Variants in GRK5 observed in about 807,000 individuals in gnomAD.
GRK5 encodes the protein g protein-coupled receptor kinase GRK5.
A neutral mutation model predicts 78.4 loss-of-function variants in GRK5; 40 were observed. The observed-to-expected ratio is 0.51, with a 90% CI of 0.40 to 0.66. The LOEUF is 0.66. Ranked by LOEUF, GRK5 falls within the 30% of genes least tolerant of loss-of-function variation. The probability of loss-of-function intolerance (pLI) is 0.00; values close to 1 mark genes in which losing one functional copy is unlikely to be tolerated. For missense variants in GRK5, 598 were observed against 759.9 expected (o/e 0.79, Z 2.50); for synonymous variants, 289 against 296.8 (o/e 0.97, Z 0.27).
chr10:119,357,386 C>A (rs1851280307), intron 2 of GRK5, among the ~76,000 whole-genome samples: 1 of 152,190 alleles, frequency 6.6e-6, no homozygotes, highest in African/African-American at 2.4e-5. Flanking sequence ...AGCTGAGGCA[C>A]CTGTGGTAAA....
rs1357339275 is a variant in GRK5 at position 119,394,315 on chromosome 10, TGG to T, written c.262-2378_262-2377del. Among the ~76,000 whole-genome samples the T allele has an allele frequency of 2.6e-3, 285 of 109,734 alleles. 17 individuals are homozygous for T. The highest frequency in any genetic ancestry group is 7.8e-3 in the African/African-American group (215 of 27,714). 72.0% of individuals were successfully genotyped at this position (109,734 alleles called of 152,430 possible). On this transcript the variant is annotated intron_variant, in intron 3 of 15. Transcript: ENST00000392870. ...GTATCTGTGTGTCTGTGTGGGCACG[TGG>T]GTGTGTGTATCTGTGTGTCTGTGTG...
intron 2 of GRK5, among the ~76,000 whole-genome samples, chr10:119,337,984 AT>A (rs1850922071): frequency 6.6e-6 from 1 of 152,162 alleles, no homozygotes; most frequent in Non-Finnish European, 1.5e-5. Flanking sequence ...TAATGACCTC[AT>A]TTTAACTTGA....
chr10:119,442,628 G>A (rs1436437214), intron 11 of GRK5, among the ~76,000 whole-genome samples: 2 of 152,176 alleles, frequency 1.3e-5, no homozygotes, highest in African/African-American at 4.8e-5. Context: ...CCAATTGGGG[G>A]CACGCCCTGG....
chr10:119,279,520 G>C (rs555379506), intron 1 of GRK5, among the ~76,000 whole-genome samples: 55 of 152,260 alleles, frequency 3.6e-4, no homozygotes, highest in African/African-American at 1.2e-3. Context: ...TGCTACTAGG[G>C]GGGTGGGAGT....
At chr10:119,387,091 G>A (rs7080983) in intron 3 of GRK5, among the ~76,000 whole-genome samples, 16,978 of 151,770 alleles carry the variant, frequency 0.11, 1,057 homozygotes, top group Middle Eastern at 0.2. Flanking sequence ...TACAGCCTCC[G>A]CCTCTTGGGT....
In GRK5 at chr10:119,431,952, A is replaced by T. The variant is rs1852829310; in HGVS notation, c.738+425A>T. 6.6e-6 allele frequency among the ~76,000 whole-genome samples: 1 copy of T among 152,212 alleles called. No individual in the cohort carries two copies. The highest frequency in any genetic ancestry group is 2.4e-5 in the African/African-American group (1 of 41,444). ...CTATCAAGTCTGTGTGCATTGTGTT[A>T]GTCAGTCTAGGCTGGGCCCTGCTGC... is the stretch of plus-strand genomic sequence containing the variant. On this transcript the variant is annotated intron_variant, in intron 8 of 15. Transcript: ENST00000392870. This position sits in a 1 kb window ranked among gnomAD's most constrained non-coding sequence, Gnocchi z 4.8.
Position 119,265,752 on chromosome 10 carries a change from G to A in GRK5, c.52+57783G>A, listed in dbSNP as rs148015218. Among the ~76,000 whole-genome samples the A allele has an allele frequency of 2.4e-4, 37 of 152,348 alleles. 2 individuals are homozygous for A. The East Asian group carries it at 5.0e-3, about 21-fold the overall frequency. ...GCAAGTAGTCCTCCTCTGGAAGGGC[G>A]TATGCATATTTCCAGGCATTTTGGA... On this transcript the variant is annotated intron_variant, in intron 1 of 15. Coordinates refer to ENST00000392870, the MANE Select transcript of GRK5 (RefSeq NM_005308.3).
At chr10:119,372,321 G>A (rs1349619271) in intron 2 of GRK5, among the ~76,000 whole-genome samples, 1 of 152,208 alleles carries the variant, frequency 6.6e-6, no homozygotes, top group African/African-American at 2.4e-5. Context: ...ATAGATATAG[G>A]CATTCTAGAA....
intron 3 of GRK5, among the ~76,000 whole-genome samples, chr10:119,389,184 A>G (rs933916131): frequency 6.6e-6 from 1 of 152,256 alleles, no homozygotes; most frequent in African/African-American, 2.4e-5. Flanking sequence ...AGGCATTCCT[A>G]TCTGCTAAGT....
chr10:119,240,665 C>T lies in GRK5; in HGVS notation c.52+32696C>T, dbSNP rs965725453. 2.0e-5 allele frequency among the ~76,000 whole-genome samples: 3 copies of T among 151,948 alleles called. 1 individual carries two copies. The highest frequency in any genetic ancestry group is 4.8e-5 in the African/African-American group (2 of 41,310). On this transcript the variant is annotated intron_variant, in intron 1 of 15. Transcript: ENST00000392870. The stretch of plus-strand genomic sequence containing the variant: ...GAAGTATCTGTTCATATCCTTTGCC[C>T]GCTTTTTGATGGGGTTGTTTTTTTC...
chr10:119,366,420 A>T (rs1339145974), intron 2 of GRK5, among the ~76,000 whole-genome samples: 2 of 152,218 alleles, frequency 1.3e-5, no homozygotes, highest in Non-Finnish European at 2.9e-5. Flanking sequence ...CTCTCAGGAT[A>T]GCCAGCGAAG....
chr10:119,309,043 C>T (rs1352033540), intron 1 of GRK5, among the ~76,000 whole-genome samples: 1 of 152,220 alleles, frequency 6.6e-6, no homozygotes, highest in African/African-American at 2.4e-5. Context: ...GGCCCGGGCT[C>T]TTGAGCCTAG....
intron 4 of GRK5, among the ~76,000 whole-genome samples, chr10:119,418,754 C>G (rs1055539224): frequency 6.6e-6 from 1 of 152,168 alleles, no homozygotes; most frequent in Non-Finnish European, 1.5e-5. Context: ...GTGTTAAAGT[C>G]GAGGTCTGCA....
intron 3 of GRK5, among the ~76,000 whole-genome samples, chr10:119,386,513 C>T (rs1468852076): frequency 2.0e-5 from 3 of 152,190 alleles, no homozygotes; most frequent in Non-Finnish European, 4.4e-5. Context: ...CGTTCCCTCT[C>T]TCTGGGCCTG....
At chr10:119,296,357 G>A (rs770123069) in intron 1 of GRK5, among the ~76,000 whole-genome samples, 11 of 152,228 alleles carry the variant, frequency 7.2e-5, no homozygotes, top group Admixed American at 2.0e-4. Context: ...CTAACTGCAA[G>A]GTAGGCTGGA....
rs186077824 is a variant in GRK5, at chr10:119,271,430, G to A, written c.53-55086G>A. On this transcript the variant is annotated intron_variant, in intron 1 of 15. Transcript: ENST00000392870. This position sits in a 1 kb window ranked among gnomAD's most constrained non-coding sequence, Gnocchi z 4.1. ...TGGCTGAAACAATGTGTTTCCTACA[G>A]ATTTTGTTTGCCTGCATTGACTTCT... 6.6e-6 allele frequency among the ~76,000 whole-genome samples: 1 copy of A among 152,226 alleles called. No individual in the cohort carries two copies. The highest frequency in any genetic ancestry group is 2.1e-4 in the South Asian group (1 of 4,836).
intron 4 of GRK5, among the ~76,000 whole-genome samples, chr10:119,407,575 A>G (rs1314998471): frequency 2.0e-5 from 3 of 152,386 alleles, no homozygotes; most frequent in Non-Finnish European, 4.4e-5. Context: ...AAGAGGTGAG[A>G]GAAAATAGCA....
chr10:119,420,991 G>T (rs1450103865), intron 4 of GRK5, among the ~76,000 whole-genome samples: 1 of 152,226 alleles, frequency 6.6e-6, no homozygotes, highest in African/African-American at 2.4e-5. Flanking sequence ...CCTGCAGAGT[G>T]CACACAGGTG....
intron 1 of GRK5, among the ~76,000 whole-genome samples, chr10:119,247,254 G>A (rs1486983180): frequency 6.6e-6 from 1 of 152,186 alleles, no homozygotes; most frequent in Admixed American, 6.5e-5. Context: ...AAGGGAATGT[G>A]CTCTTTCATG....
Sources: gnomAD v4.1 joint callset for allele counts (sites outside exome capture counted in the v4.1 genomes callset) on GRCh38, gnomAD v4.1.1 for gene constraint, Gnocchi (gnomAD v3.1) non-coding constraint, MANE v1.5 for transcripts, NCBI Gene and HGNC (gene_info 2026-07-23, HGNC 2026-07-21) for gene names.